Variants in SPHKAP observed in about 807,000 individuals in gnomAD.
SPHKAP encodes the protein SPHK1 interactor, AKAP domain containing, also known as A-kinase anchor protein SPHKAP.
Under a neutral mutation model 137.5 loss-of-function variants are expected in SPHKAP, and 67 were observed. The observed-to-expected ratio is 0.49, with a 90% CI of 0.40 to 0.60. The LOEUF is 0.60. Ranked by LOEUF, SPHKAP falls within the 20% of genes least tolerant of loss-of-function variation. The pLI is 0.00. For missense variants in SPHKAP, 2,097 were observed against 2,069.3 expected, an observed-to-expected ratio of 1.01 and a Z score of -0.26; for synonymous variants, 813 against 785.3, an observed-to-expected ratio of 1.04 and a Z score of -0.59.
intron 1 of SPHKAP, among the ~76,000 whole-genome samples, chr2:228,176,740 G>A (rs1408443438): frequency 6.6e-6 from 1 of 152,152 alleles, no homozygotes; most frequent in African/African-American, 2.4e-5. Flanking sequence ...GCGTGGTGGC[G>A]CATGCCTGTA....
chr2:228,033,249 C>T (rs1474280826), intron 3 of SPHKAP, among the ~76,000 whole-genome samples: 3 of 152,078 alleles, frequency 2.0e-5, no homozygotes, highest in Non-Finnish European at 4.4e-5. Flanking sequence ...ATAAAACAGA[C>T]TTTAAACTAA....
intron 1 of SPHKAP, among the ~76,000 whole-genome samples, chr2:228,161,955 G>A (rs1274058707): frequency 6.6e-6 from 1 of 152,144 alleles, no homozygotes; most frequent in Non-Finnish European, 1.5e-5. Flanking sequence ...TTAAATCAGA[G>A]CATGGTTCAA....
chr2:228,011,613 T>G (rs1486450465), intron 7 of SPHKAP, among the ~76,000 whole-genome samples: 1 of 152,180 alleles, frequency 6.6e-6, no homozygotes, highest in African/African-American at 2.4e-5. Flanking sequence ...TCTGTTTCCA[T>G]CTCTCCAGAT....
intron 1 of SPHKAP, among the ~76,000 whole-genome samples, chr2:228,142,389 G>T (rs570851287): frequency 6.6e-6 from 1 of 151,876 alleles, no homozygotes; most frequent in African/African-American, 2.4e-5. Context: ...GGAGAATGGC[G>T]TGAACCTAGG....
At chr2:228,180,706 AG>A (rs1407146781) in intron 1 of SPHKAP, among the ~76,000 whole-genome samples, 1 of 152,230 alleles carries the variant, frequency 6.6e-6, no homozygotes, top group Non-Finnish European at 1.5e-5. Flanking sequence ...AAGAGCGCAA[AG>A]GCCACCTGCC....
At chr2:228,010,265 G>T (rs1295723066) in intron 7 of SPHKAP, among the ~76,000 whole-genome samples, 1 of 152,172 alleles carries the variant, frequency 6.6e-6, no homozygotes, top group Non-Finnish European at 1.5e-5. Flanking sequence ...AGTGGCTTAT[G>T]CTTATAATCG....
chr2:228,088,139 G>C (rs1380447573), intron 3 of SPHKAP, among the ~76,000 whole-genome samples: 3 of 152,088 alleles, frequency 2.0e-5, no homozygotes, highest in Non-Finnish European at 4.4e-5. Context: ...AGAAAAGTGA[G>C]AGAGACCCAC....
chr2:228,012,627 A>G (rs1025578688), intron 7 of SPHKAP, among the ~76,000 whole-genome samples: 1 of 152,228 alleles, frequency 6.6e-6, no homozygotes, highest in African/African-American at 2.4e-5. Context: ...TGTAAGAACT[A>G]TGAGAGTAGA....
intron 2 of SPHKAP, among the ~76,000 whole-genome samples, chr2:228,130,133 T>C (rs1432504931): frequency 6.6e-6 from 1 of 152,140 alleles, no homozygotes; most frequent in Non-Finnish European, 1.5e-5. Context: ...CAGGCCCAAA[T>C]AGCCCTTTCA....
rs190909168 is a variant in SPHKAP, at chr2:227,998,719, C to A, written c.4449-3025G>T. Among the ~76,000 whole-genome samples, 14 of 152,296 alleles carry A rather than the reference C, an allele frequency of 9.2e-5. No homozygotes were observed. The East Asian group carries it at 2.5e-3, about 27-fold the overall frequency. ...TCCCACTCCTTGCTTCCATTTGCATCAAAACTGACAGACCATCCCATCTTC... is the reference window on the plus strand; with the variant it reads ...TCCCACTCCTTGCTTCCATTTGCATAAAAACTGACAGACCATCCCATCTTC... On this transcript the variant is annotated intron_variant, in intron 7 of 11. Coordinates refer to ENST00000392056, the MANE Select transcript of SPHKAP (RefSeq NM_001142644.2).
At position 228,019,218 on chromosome 2, in the gene SPHKAP, C is replaced by T. The variant is rs1271102155; in HGVS notation, c.1636G>A (p.Glu546Lys). 1.9e-6 allele frequency: 3 copies of T among 1,613,676 alleles called. No individual in the cohort carries two copies. The highest frequency in any genetic ancestry group is 2.5e-6 in the Non-Finnish European group (3 of 1,180,044). ...LQTQAPQGLK[E>K]PSINEYSFPS... is the part of the protein sequence containing the mutation. ...AAGGAGTACTCATTGATGGAAGGTT[C>T]CTTGAGTCCTTGGGGTGCTTGAGTT... Residue 546 changes from glutamate to lysine, a missense_variant, in exon 7 of 12, where the codon GAA becomes AAA. Transcript: ENST00000392056.
At chr2:227,992,634 A>G (rs1272082841) in intron 9 of SPHKAP, among the ~76,000 whole-genome samples, 1 of 152,210 alleles carries the variant, frequency 6.6e-6, no homozygotes, top group African/African-American at 2.4e-5. Context: ...AAAACAAAAC[A>G]AAAAAACAAG....
At chr2:228,166,091 T>A (rs72617142) in intron 1 of SPHKAP, among the ~76,000 whole-genome samples, 1 of 152,102 alleles carries the variant, frequency 6.6e-6, no homozygotes, top group Non-Finnish European at 1.5e-5. Flanking sequence ...GACTATGACA[T>A]GATAGGTGCC....
intron 3 of SPHKAP, among the ~76,000 whole-genome samples, chr2:228,031,668 A>T (rs1280508541): frequency 6.6e-6 from 1 of 152,104 alleles, no homozygotes; most frequent in Non-Finnish European, 1.5e-5. Context: ...CTGAGACAAA[A>T]CTTCTAGAAG....
At chr2:228,096,015 A>G (rs1295770294) in intron 3 of SPHKAP, among the ~76,000 whole-genome samples, 1 of 152,226 alleles carries the variant, frequency 6.6e-6, no homozygotes, top group Non-Finnish European at 1.5e-5. Context: ...CTGAAGGAGA[A>G]ATGCTTTAAA....
Position 227,981,393 on chromosome 2 carries a change from T to C in SPHKAP, c.*324A>G. The C allele has an allele frequency of 5.4e-6, 1 of 186,522 alleles. No homozygotes were observed. The highest frequency in any genetic ancestry group is 1.1e-5 in the Non-Finnish European group (1 of 91,260). The allele number at this position is 186,522 out of a possible 1,614,324, so 11.6% of individuals were successfully genotyped here. A position where few individuals can be genotyped will look rare whatever the true frequency, so the allele number is the denominator to read the frequency against. ...AGACATTACAAATCATTTTATATGA[T>C]TAAACTTATGTGAGTGTTGTTTTCC... On this transcript the variant is annotated 3_prime_UTR_variant, in exon 12 of 12. Coordinates refer to ENST00000392056, the MANE Select transcript of SPHKAP (RefSeq NM_001142644.2).
intron 11 of SPHKAP, among the ~76,000 whole-genome samples, chr2:227,988,230 G>A (rs571947067): frequency 3.3e-5 from 5 of 152,144 alleles, no homozygotes; most frequent in South Asian, 4.2e-4. Context: ...ACTCGTATTC[G>A]TGGAAAAGCC....
chr2:228,008,691 T>A (rs1694238747), intron 7 of SPHKAP, among the ~76,000 whole-genome samples: 1 of 152,150 alleles, frequency 6.6e-6, no homozygotes, highest in Admixed American at 6.5e-5. Context: ...TCATTTTTTT[T>A]TTTTTGCATG....
intron 7 of SPHKAP, among the ~76,000 whole-genome samples, chr2:228,014,637 C>T (rs1022210682): frequency 1.3e-5 from 2 of 152,032 alleles, no homozygotes; most frequent in Non-Finnish European, 2.9e-5. Context: ...CACTATGTAC[C>T]AAATACACTC....
Sources: allele counts gnomAD v4.1 joint callset (sites outside exome capture counted in the v4.1 genomes callset), GRCh38; gene constraint gnomAD v4.1.1; transcripts MANE v1.5; gene names NCBI Gene and HGNC (gene_info 2026-07-23, HGNC 2026-07-21).